NFIB: variants seen among roughly 807,000 people sequenced by gnomAD.
NFIB encodes nuclear factor 1 B-type.
NFIB carries 11 observed loss-of-function variants against 61.5 expected under a neutral mutation model. The ratio of observed to expected loss-of-function variants is 0.18; its 90% CI spans 0.11 to 0.30. The LOEUF (loss-of-function observed/expected upper bound fraction) is 0.30, where lower values mean the gene tolerates loss of function less well. Ranked by LOEUF, NFIB falls within the 10% of genes least tolerant of loss-of-function variation. The pLI is 1.00. For synonymous variants in NFIB, 260 were observed against 216.5 expected (o/e 1.20, Z -1.76); for missense variants, 471 against 608.9 (o/e 0.77, Z 2.38).
At chr9:14,492,314 G>C in the NFIB span, among the ~76,000 whole-genome samples, 2 of 151,870 alleles carry the variant, frequency 1.3e-5, no homozygotes, top group African/African-American at 4.8e-5. Context: ...AGTGAGCCGA[G>C]ATCACGCCAC....
At chr9:14,125,511 C>T in intron 7 of NFIB, 121 bp downstream of exon 7, 1 of 1,370,934 alleles carries the variant, frequency 7.3e-7, no homozygotes, top group Non-Finnish European at 9.9e-7. Flanking sequence ...GTGCCCCTCA[C>T]CATATGGGTT....
intron 1 of NFIB, among the ~76,000 whole-genome samples, chr9:14,327,240 C>T (rs1475907450): frequency 6.6e-6 from 1 of 152,174 alleles, no homozygotes; most frequent in Non-Finnish European, 1.5e-5. Context: ...CTGCCTTTTG[C>T]TCAGTGAGGC....
At chr9:14,394,797 A>G (rs2061663196) in intron 1 of NFIB, among the ~76,000 whole-genome samples, 1 of 152,166 alleles carries the variant, frequency 6.6e-6, no homozygotes, top group African/African-American at 2.4e-5. Flanking sequence ...TAAACAAGTT[A>G]CTGAACTGCC....
chr9:14,264,361 G>C (rs1208973662), intron 2 of NFIB, among the ~76,000 whole-genome samples: 1 of 151,962 alleles, frequency 6.6e-6, no homozygotes, highest in Non-Finnish European at 1.5e-5. Context: ...TCTATATTTA[G>C]GTCATTTGTT....
intron 7 of NFIB, 93 bp downstream of exon 7, chr9:14,125,539 A>G (rs1487198012): frequency 3.3e-6 from 5 of 1,512,162 alleles, no homozygotes; most frequent in Non-Finnish European, 4.4e-6. Context: ...TATGGTTGCC[A>G]TAGCTCTATT....
rs890989748 is a variant in NFIB at position 14,354,519 on chromosome 9, A to G, written c.108+44005T>C. Among the ~76,000 whole-genome samples the G allele has an allele frequency of 2.0e-5, 3 of 152,366 alleles. No homozygotes were observed. In the East Asian group the frequency reaches 5.8e-4, roughly 29 times the overall value. On this transcript the variant is annotated intron_variant, in intron 1 of 8. Coordinates refer to the NFIB transcript ENST00000380934. Reference sequence around the variant, plus strand: ...ATCTGGCTAACATTTTTCTACAAATAGGTACAAAGACCAATTTGAGAGTAC... The same window carrying G: ...ATCTGGCTAACATTTTTCTACAAATGGGTACAAAGACCAATTTGAGAGTAC...
At chr9:14,484,195 T>C in the NFIB span, among the ~76,000 whole-genome samples, 1 of 152,248 alleles carries the variant, frequency 6.6e-6, no homozygotes, top group Non-Finnish European at 1.5e-5. Context: ...TGCTGAGCAC[T>C]GTTCTGGGGC....
At chr9:14,208,456 G>C (rs1394216604) in intron 2 of NFIB, among the ~76,000 whole-genome samples, 1 of 151,986 alleles carries the variant, frequency 6.6e-6, no homozygotes, top group African/African-American at 2.4e-5. Context: ...TCAAATGTGA[G>C]TATGAATTAC....
chr9:14,377,464 G>A (rs962747017), intron 1 of NFIB, among the ~76,000 whole-genome samples: 1 of 152,010 alleles, frequency 6.6e-6, no homozygotes, highest in Non-Finnish European at 1.5e-5. Flanking sequence ...GTCATCTCCT[G>A]CCTCAGTCTC....
At chr9:14,101,195 T>C (rs1253582696) in intron 10 of NFIB, among the ~76,000 whole-genome samples, 3 of 152,200 alleles carry the variant, frequency 2.0e-5, no homozygotes, top group Non-Finnish European at 4.4e-5. Flanking sequence ...TAAGCATATA[T>C]TGTATTATTT....
chr9:14,389,802 A>T (rs746297413), intron 1 of NFIB, among the ~76,000 whole-genome samples: 22 of 152,264 alleles, frequency 1.4e-4, no homozygotes, highest in Non-Finnish European at 2.6e-4. Context: ...CTATGACATC[A>T]TCATCAACCA....
chr9:14,276,324 A>T (rs1045240587), intron 2 of NFIB, among the ~76,000 whole-genome samples: 78 of 152,196 alleles, frequency 5.1e-4, no homozygotes, highest in African/African-American at 1.7e-3. Context: ...AATTGAAATA[A>T]ATATTAAATA....
chr9:14,425,197 C>T, the NFIB span, among the ~76,000 whole-genome samples: 3 of 152,144 alleles, frequency 2.0e-5, no homozygotes, highest in Admixed American at 6.5e-5. Context: ...AAATTGTCAG[C>T]GAGCCTTGCT....
intron 2 of NFIB, among the ~76,000 whole-genome samples, chr9:14,230,166 A>T (rs2052945835): frequency 6.6e-6 from 1 of 152,214 alleles, no homozygotes; most frequent in Admixed American, 6.5e-5. Context: ...GGTATAAAAT[A>T]ATTCAGGCAG....
the NFIB span, among the ~76,000 whole-genome samples, chr9:14,491,984 G>A: frequency 6.6e-6 from 1 of 152,138 alleles, no homozygotes; most frequent in Non-Finnish European, 1.5e-5. Context: ...CCACATTTAA[G>A]TTATTCTTCC....
At chr9:14,116,153 A>C in intron 9 of NFIB, 55 bp downstream of exon 9, 1 of 1,424,310 alleles carries the variant, frequency 7.0e-7, no homozygotes. Flanking sequence ...TCTGATGGAC[A>C]TTTCTCATTT....
In NFIB at chr9:14,182,943, C is replaced by G. The variant is rs192323029; in HGVS notation, c.563-3163G>C. ...CCAAAAGCATTGGGTCAGACACAGT[C>G]TACATTATCAGTAAATAAAAGATAT... On this transcript the variant is annotated intron_variant, in intron 2 of 10. Coordinates refer to ENST00000380953, the MANE Select transcript of NFIB (RefSeq NM_001190737.2). 9.5e-4 allele frequency among the ~76,000 whole-genome samples: 145 copies of G among 151,966 alleles called. 1 individual carries two copies. Among genetic ancestry groups the G allele is most frequent in the Admixed American group, 5.6e-3 (86 of 15,260 alleles).
At chr9:14,151,300 G>A (rs561266596) in intron 4 of NFIB, among the ~76,000 whole-genome samples, 3 of 152,220 alleles carry the variant, frequency 2.0e-5, no homozygotes, top group Non-Finnish European at 2.9e-5. Context: ...GTTCAAAAAC[G>A]TGTTAAAAGC....
the NFIB span, among the ~76,000 whole-genome samples, chr9:14,461,945 T>A: frequency 1.3e-5 from 2 of 152,216 alleles, no homozygotes; most frequent in Non-Finnish European, 2.9e-5. Flanking sequence ...ATGGGTCTCG[T>A]ATACACATGT....
Sources: gnomAD v4.1 joint callset for allele counts (sites outside exome capture counted in the v4.1 genomes callset) on GRCh38, gnomAD v4.1.1 for gene constraint, MANE v1.5 for transcripts, NCBI Gene and HGNC (gene_info 2026-07-23, HGNC 2026-07-21) for gene names.